DMD: variants seen among roughly 807,000 people sequenced by gnomAD.
The protein encoded by DMD is dystrophin.
DMD carries 63 observed loss-of-function variants against 330.1 expected under a neutral mutation model. That is an observed-to-expected ratio of 0.19 (90% confidence interval 0.16 to 0.24). The LOEUF is 0.24. Among genes scored for constraint, DMD ranks in the 10% least tolerant of loss-of-function variants. The probability of loss-of-function intolerance (pLI) is 1.00; values close to 1 mark genes in which losing one functional copy is unlikely to be tolerated. For missense variants in DMD, 3,344 were observed against 2,684.1 expected (o/e 1.25, Z -5.43); for synonymous variants, 1,223 against 959.8 (o/e 1.27, Z -5.07).
At chrX:31,137,363 G>A (rs923692158) in intron 76 of DMD, among the ~76,000 whole-genome samples, 1 of 111,742 alleles carries the variant, frequency 8.9e-6, no homozygotes, top group Non-Finnish European at 1.9e-5. Flanking sequence ...ATATGTGCAT[G>A]AGTAGAAGTG....
intron 44 of DMD, among the ~76,000 whole-genome samples, chrX:31,986,557 C>T (rs1325358581): frequency 9.0e-6 from 1 of 110,968 alleles, no homozygotes; most frequent in Non-Finnish European, 1.9e-5. Flanking sequence ...GGACTACAGG[C>T]ACACACCACC....
chrX:31,823,763 G>A (rs560922983), intron 49 of DMD, among the ~76,000 whole-genome samples: 8 of 110,112 alleles, frequency 7.3e-5, no homozygotes, highest in Admixed American at 4.8e-4. Flanking sequence ...ATGTAGAGAC[G>A]GGGTTTTGCC....
At chrX:31,550,482 A>C (rs1478195225) in intron 55 of DMD, among the ~76,000 whole-genome samples, 1 of 112,255 alleles carries the variant, frequency 8.9e-6, no homozygotes, top group African/African-American at 3.2e-5. Context: ...TTGCATTTAA[A>C]TATAGAGTTG....
intron 7 of DMD, among the ~76,000 whole-genome samples, chrX:32,718,308 T>C: frequency 9.0e-6 from 1 of 111,043 alleles, no homozygotes; most frequent in Middle Eastern, 4.7e-3. Flanking sequence ...TAGTGAGTTC[T>C]CATGATATCT....
intron 51 of DMD, among the ~76,000 whole-genome samples, chrX:31,767,840 T>G (rs2090098434): frequency 8.9e-6 from 1 of 112,071 alleles, no homozygotes; most frequent in Admixed American, 9.5e-5. Context: ...ATCATAATTT[T>G]TAAGTACTTT....
intron 34 of DMD, among the ~76,000 whole-genome samples, chrX:32,376,285 A>G (rs1196806761): frequency 6.3e-5 from 7 of 111,533 alleles, no homozygotes; most frequent in African/African-American, 3.3e-5. Flanking sequence ...CAAAATAAAT[A>G]AATAAGAATA....
chrX:32,592,398 C>T (rs775988136), intron 13 of DMD, among the ~76,000 whole-genome samples: 1 of 111,266 alleles, frequency 9.0e-6, no homozygotes, highest in African/African-American at 3.3e-5. Context: ...AAGGAGCTAC[C>T]TACTTTGTGT....
Position 33,163,552 on chromosome X carries a change from G to GTATATATATATATATATATA in DMD, c.31+47710_31+47729dup, listed in dbSNP as rs781153726. 1.7e-3 allele frequency among the ~76,000 whole-genome samples: 157 copies of GTATATATATATATATATATA among 90,955 alleles called. 1 individual carries two copies. The highest frequency in any genetic ancestry group is 6.2e-3 in the African/African-American group (148 of 24,026). The allele number at this position is 90,955 out of a possible 115,157, so 79.0% of individuals were successfully genotyped here. ...CTCCATCTCAAAAATATATATGTGTGTATATATATATATATATATATATGT... is the reference window on the plus strand; with the variant it reads ...CTCCATCTCAAAAATATATATGTGTGTATATATATATATATATATATATATATATATATATATATATATGT... On this transcript the variant is annotated intron_variant, in intron 1 of 78. Transcript: ENST00000357033.
intron 1 of DMD, among the ~76,000 whole-genome samples, chrX:33,193,701 ATAGCATGTTATTT>A (rs1279938611): frequency 8.9e-6 from 1 of 112,355 alleles, no homozygotes; most frequent in Non-Finnish European, 1.9e-5. Flanking sequence ...GGATGAATTG[ATAGCATGTTATTT>A]TTAGAAATCT....
chrX:31,314,779 A>AGAGAGAGAGAGAGAGAGAGTGT (rs1225831523), intron 62 of DMD, among the ~76,000 whole-genome samples: 1 of 93,433 alleles, frequency 1.1e-5, no homozygotes, highest in African/African-American at 4.3e-5. Context: ...AGAGAGAGAG[A>AGAGAGAGAGAGAGAGAGAGTGT]GTGTTTTACC....
intron 44 of DMD, among the ~76,000 whole-genome samples, chrX:32,051,589 T>G (rs910008633): frequency 6.4e-5 from 7 of 109,649 alleles, no homozygotes; most frequent in Non-Finnish European, 1.1e-4. Context: ...GTGAAGTGAA[T>G]GAATATGTAG....
intron 2 of DMD, among the ~76,000 whole-genome samples, chrX:32,960,633 C>T (rs1385957076): frequency 4.5e-5 from 5 of 111,076 alleles, no homozygotes; most frequent in Admixed American, 1.9e-4. Flanking sequence ...TCTCATTCTC[C>T]CTTTAAAACT....
intron 9 of DMD, among the ~76,000 whole-genome samples, chrX:32,695,569 T>A (rs2063589008): frequency 9.0e-6 from 1 of 111,191 alleles, no homozygotes; most frequent in Admixed American, 9.6e-5. Flanking sequence ...GACAAGAAAC[T>A]TCATAATAAA....
intron 41 of DMD, among the ~76,000 whole-genome samples, chrX:32,332,801 G>A (rs746562038): frequency 9.0e-6 from 1 of 110,823 alleles, no homozygotes; most frequent in South Asian, 3.8e-4. Flanking sequence ...TTGTCCCTGT[G>A]TATTGTGTAG....
At chrX:32,819,372 G>A (rs1253796132) in intron 5 of DMD, among the ~76,000 whole-genome samples, 1 of 110,793 alleles carries the variant, frequency 9.0e-6, no homozygotes, top group Admixed American at 9.7e-5. Context: ...GTAAAAGTAT[G>A]GACCTGACTT....
Position 31,478,257 on chromosome X carries a change from A to G in DMD, c.8786T>C (p.Ile2929Thr), listed in dbSNP as rs1181907562. 3.3e-6 allele frequency: 4 copies of G among 1,208,767 alleles called. No individual in the cohort carries two copies. Among genetic ancestry groups the G allele is most frequent in the East Asian group, 3.0e-5 (1 of 33,726 alleles). ...NLHSADWQRK[I>T]DETLERLREL... is the part of the protein sequence containing the mutation. ...CCGGAGTCTTTCAAGGGTCTCATCTATTTTTCTCTGCCAGTCAGCGGAGTG... is the reference window on the plus strand; with the variant it reads ...CCGGAGTCTTTCAAGGGTCTCATCTGTTTTTCTCTGCCAGTCAGCGGAGTG... Residue 2929 changes from isoleucine (I) to threonine (T), a missense_variant, in exon 59 of 79, where the codon ATA becomes ACA. Coordinates refer to ENST00000357033, the MANE Select transcript of DMD (RefSeq NM_004006.3).
At chrX:31,716,403 T>C (rs2085050003) in intron 52 of DMD, among the ~76,000 whole-genome samples, 1 of 111,032 alleles carries the variant, frequency 9.0e-6, no homozygotes, top group South Asian at 3.8e-4. Context: ...AATACAAAAT[T>C]AGCCGGGCAT....
chrX:31,179,569 G>A (rs911933383), intron 69 of DMD, among the ~76,000 whole-genome samples: 1 of 112,042 alleles, frequency 8.9e-6, no homozygotes, highest in Non-Finnish European at 1.9e-5. Context: ...AGAGAAACAC[G>A]AAGGGTGGCT....
intron 60 of DMD, among the ~76,000 whole-genome samples, chrX:31,417,316 G>C (rs1270334186): frequency 1.9e-5 from 2 of 105,828 alleles, no homozygotes; most frequent in African/African-American, 6.9e-5. Context: ...TTTTTGAGAC[G>C]GAGTCTCGCT....
Sources: allele counts gnomAD v4.1 joint callset (sites outside exome capture counted in the v4.1 genomes callset), GRCh38; gene constraint gnomAD v4.1.1; transcripts MANE v1.5; gene names NCBI Gene and HGNC (gene_info 2026-07-23, HGNC 2026-07-21).